The following CACNA1B variants were observed in gnomAD, a reference collection of about 807,000 sequenced individuals.
The protein encoded by CACNA1B is voltage-dependent N-type calcium channel subunit alpha-1B.
Under a neutral mutation model 247.2 loss-of-function variants are expected in CACNA1B, and 70 were observed. The ratio of observed to expected loss-of-function variants is 0.28; its 90% CI spans 0.23 to 0.35. CACNA1B has a LOEUF of 0.35. CACNA1B is among the 10% of genes least tolerant of loss of function. CACNA1B has a pLI of 1.00. For synonymous variants in CACNA1B, 1,231 were observed against 1,294.4 expected (o/e 0.95, Z 1.05); for missense variants, 2,367 against 3,197.4 (o/e 0.74, Z 6.26).
At chr9:138,001,620 GAAA>G (rs1454843354) in intron 15 of CACNA1B, among the ~76,000 whole-genome samples, 1 of 151,816 alleles carries the variant, frequency 6.6e-6, no homozygotes, top group African/African-American at 2.4e-5. Context: ...AAAAGGAATA[GAAA>G]AAAACTATTA....
chr9:138,001,843 A>G (rs1958581096), intron 15 of CACNA1B, among the ~76,000 whole-genome samples: 1 of 152,222 alleles, frequency 6.6e-6, no homozygotes, highest in Non-Finnish European at 1.5e-5. Flanking sequence ...CCAGAAATAA[A>G]TCTAACTAAA....
At chr9:138,087,854 G>A (rs1249067544) in intron 36 of CACNA1B, among the ~76,000 whole-genome samples, 1 of 151,960 alleles carries the variant, frequency 6.6e-6, no homozygotes, top group African/African-American at 2.4e-5. Flanking sequence ...CAAAACTTAT[G>A]GGATACAGTA....
intron 3 of CACNA1B, among the ~76,000 whole-genome samples, chr9:137,901,744 C>G (rs1365634684): frequency 7.2e-6 from 1 of 139,832 alleles, no homozygotes; most frequent in East Asian, 2.1e-4. Flanking sequence ...GGCTAGAGTG[C>G]AGTGGTGCGA....
chr9:137,892,149 G>A (rs1209795224), intron 3 of CACNA1B: 3 of 456,870 alleles, frequency 6.6e-6, no homozygotes, highest in Admixed American at 2.3e-5. Context: ...CTACTGACAG[G>A]CTCATTCCCT....
In CACNA1B at chr9:137,914,449, A is replaced by G. The variant is rs1957389816; in HGVS notation, c.623-205A>G. 6.6e-6 allele frequency among the ~76,000 whole-genome samples: 1 copy of G among 151,692 alleles called. No homozygotes were observed. The highest frequency in any genetic ancestry group is 1.5e-5 in the Non-Finnish European group (1 of 67,986). On this transcript the variant is annotated intron_variant, in intron 4 of 46. Coordinates refer to ENST00000371372, the MANE Select transcript of CACNA1B (RefSeq NM_000718.4). This position sits in a 1 kb window ranked among gnomAD's most constrained non-coding sequence, Gnocchi z 4.3. ...CTCTAGGACCTTATGCTTTGTCCCT[A>G]GGACTCTCAGCTCTGCCCTACACAA... is the stretch of plus-strand genomic sequence containing the variant.
intron 12 of CACNA1B, 75 bp downstream of exon 12, chr9:137,976,094 A>G: frequency 1.1e-6 from 1 of 906,832 alleles, no homozygotes; most frequent in Non-Finnish European, 1.8e-6. Flanking sequence ...CCCATAGGCC[A>G]TGCCCAGTGT....
chr9:138,120,347 C>T lies in CACNA1B; in HGVS notation c.6213C>T (p.Pro2071=), dbSNP rs199741792. The T allele has an allele frequency of 1.3e-4, 201 of 1,556,132 alleles. 1 individual carries two copies. The South Asian group carries it at 2.2e-3, about 17-fold the overall frequency. ...AGCAGAGGTCCCTGGAGAAGGGGCC[C>T]AGCCTGTCTGCCGATATGGATGGCG... is the stretch of plus-strand genomic sequence containing the variant. ...DRKQRSLEKG[P]SLSADMDGAP... is the part of the protein sequence containing the mutation. Residue 2071 remains proline, a synonymous_variant, in exon 45 of 47, where the codon CCC becomes CCT. Coordinates refer to ENST00000371372, the MANE Select transcript of CACNA1B (RefSeq NM_000718.4).
In CACNA1B at chr9:138,122,164, C is replaced by T. The variant is rs898002026; in HGVS notation, c.*165C>T. 2 of 621,800 alleles carry T rather than the reference C, an allele frequency of 3.2e-6. No homozygotes were observed. The highest frequency in any genetic ancestry group is 5.6e-6 in the Non-Finnish European group (2 of 356,738). 38.5% of individuals were successfully genotyped at this position (621,800 alleles called of 1,614,324 possible). A position where few individuals can be genotyped will look rare whatever the true frequency, so the allele number is the denominator to read the frequency against. The stretch of plus-strand genomic sequence containing the variant: ...TCCTCCCCTCTTTTACTCTAGACGA[C>T]GAATAAAGCCCTGTTAGAGGATGCG... On this transcript the variant is annotated 3_prime_UTR_variant, in exon 47 of 47. Transcript: ENST00000371372.
At chr9:138,066,918 A>G (rs1419401674) in intron 31 of CACNA1B, among the ~76,000 whole-genome samples, 2 of 152,216 alleles carry the variant, frequency 1.3e-5, no homozygotes, top group African/African-American at 4.8e-5. Flanking sequence ...CAAAGACTAG[A>G]GAGAATCAAT....
rs1354325313 is a variant in CACNA1B at position 138,121,762 on chromosome 9, G to T, written c.6783G>T (p.Gly2261=). ...GSRIGSDPYL[G]QRLDSEASVH... ...GAATTGGCTCTGACCCTTACCTGGG[G>T]CAGCGTCTGGACAGTGAGGCCTCTG... Residue 2261 remains glycine, a synonymous_variant, in exon 47 of 47, where the codon GGG becomes GGT. Transcript: ENST00000371372. This position sits in a 1 kb window ranked among gnomAD's most constrained non-coding sequence, Gnocchi z 6.8. 2 of 1,613,100 alleles carry T rather than the reference G, an allele frequency of 1.2e-6. No homozygotes were observed. Among genetic ancestry groups the T allele is most frequent in the Non-Finnish European group, 1.7e-6 (2 of 1,179,870 alleles).
Position 138,059,139 on chromosome 9 carries a change from T to C in CACNA1B, c.4534T>C (p.Ser1512Pro). 1.2e-6 allele frequency: 2 copies of C among 1,612,864 alleles called. No individual in the cohort carries two copies. Among genetic ancestry groups the C allele is most frequent in the Non-Finnish European group, 1.7e-6 (2 of 1,178,942 alleles). The change falls in exon 30 of 47, where the codon TCC (serine) becomes CCC (proline). Residue 1512 changes from serine to proline, a missense_variant. By Grantham distance (74) the Ser-to-Pro change is moderately conservative (BLOSUM62 -1). Transcript: ENST00000371372. This position sits in a 1 kb window ranked among gnomAD's most constrained non-coding sequence, Gnocchi z 4.2. The stretch of plus-strand genomic sequence containing the variant: ...GAAATGCCTGAACATCGTGTTCACA[T>C]CCATGTTCTCCATGGAATGCGTGCT... ...MLKCLNIVFT[S>P]MFSMECVLKI...
intron 36 of CACNA1B, among the ~76,000 whole-genome samples, chr9:138,081,906 A>G (rs1384133784): frequency 6.6e-6 from 1 of 151,130 alleles, no homozygotes; most frequent in Non-Finnish European, 1.5e-5. Context: ...CCAAAACCAT[A>G]TAATGGCAAA....
intron 3 of CACNA1B, among the ~76,000 whole-genome samples, chr9:137,893,819 C>T (rs962066490): frequency 3.3e-5 from 5 of 152,222 alleles, no homozygotes; most frequent in African/African-American, 1.2e-4. Flanking sequence ...AGCAGGGCCA[C>T]GGTCTCATGA....
chr9:138,094,795 A>T (rs914153767), intron 36 of CACNA1B, among the ~76,000 whole-genome samples: 1 of 152,242 alleles, frequency 6.6e-6, no homozygotes, highest in Non-Finnish European at 1.5e-5. Flanking sequence ...TCTGTGTTCA[A>T]TTGACTTTTG....
At chr9:138,000,138 G>A (rs533504474) in intron 15 of CACNA1B, among the ~76,000 whole-genome samples, 42 of 146,514 alleles carry the variant, frequency 2.9e-4, no homozygotes, top group Middle Eastern at 3.8e-3. Flanking sequence ...TCGCTCTGTC[G>A]CCCAGGCTGG....
chr9:137,885,437 G>A (rs1423504142), intron 3 of CACNA1B, among the ~76,000 whole-genome samples: 12 of 152,034 alleles, frequency 7.9e-5, no homozygotes, highest in African/African-American at 2.9e-4. Flanking sequence ...GGTAGTGGGC[G>A]GTATTTCTCA....
chr9:137,992,717 AAAT>A (rs1369754093), intron 15 of CACNA1B, among the ~76,000 whole-genome samples: 1 of 152,148 alleles, frequency 6.6e-6, no homozygotes, highest in African/African-American at 2.4e-5. Context: ...AAATTTAAAA[AAAT>A]CTAAATTTGG....
intron 6 of CACNA1B, among the ~76,000 whole-genome samples, chr9:137,931,362 G>A (rs901253612): frequency 3.9e-5 from 6 of 152,108 alleles, no homozygotes; most frequent in African/African-American, 1.4e-4. Flanking sequence ...CATTCTGATT[G>A]GTCATGGGAG....
rs1177057275 is a variant in CACNA1B, at chr9:138,052,947, G to T, written c.3807+759G>T. ...TTCCCGTCACAGCTAGATCAGAGCA[G>T]CCTGTGAGGTGTCTTCCCAGCTCTG... is the stretch of plus-strand genomic sequence containing the variant. On this transcript the variant is annotated intron_variant, in intron 25 of 46. Transcript: ENST00000371372. The surrounding 1 kb of genome is among the most constrained non-coding windows in gnomAD (Gnocchi z 5.1). Among the ~76,000 whole-genome samples, 1 of 152,234 alleles carries T rather than the reference G, an allele frequency of 6.6e-6. No individual in the cohort carries two copies. The highest frequency in any genetic ancestry group is 6.5e-5 in the Admixed American group (1 of 15,292).
Sources: allele counts gnomAD v4.1 joint callset (sites outside exome capture counted in the v4.1 genomes callset), GRCh38; gene constraint gnomAD v4.1.1; non-coding constraint Gnocchi (gnomAD v3.1); transcripts MANE v1.5; gene names NCBI Gene and HGNC (gene_info 2026-07-23, HGNC 2026-07-21).